The following PRXL2B variants were observed in gnomAD, a reference collection of about 807,000 sequenced individuals.
PRXL2B encodes the protein prostamide/prostaglandin F synthase.
PRXL2B carries 26 observed loss-of-function variants against 24.4 expected under a neutral mutation model. That is an observed-to-expected ratio of 1.07 (90% CI 0.78 to 1.48). The LOEUF (loss-of-function observed/expected upper bound fraction) is 1.48. Among genes scored for constraint, PRXL2B ranks in the 40% most tolerant of loss-of-function variants. PRXL2B has a pLI of 0.00. For synonymous variants in PRXL2B, 115 were observed against 118.9 expected (o/e 0.97, Z 0.21); for missense variants, 269 against 264.8 (o/e 1.02, Z -0.11).
chr1:2,587,419 C>T lies in PRXL2B; in HGVS notation c.268+124C>T. ...GAGCGGCCTTGATATGCCCACGGGT[C>T]AGCGTCCCTCATCTCTCCCTGCCTC... On this transcript the variant is annotated intron_variant, in intron 2 of 6. Coordinates refer to ENST00000419916, the MANE Select transcript of PRXL2B (RefSeq NM_152371.5). The surrounding 1 kb of genome is among the most constrained non-coding windows in gnomAD (Gnocchi z 6.1). The T allele has an allele frequency of 1.8e-6, 2 of 1,133,702 alleles. No homozygotes were observed. Among genetic ancestry groups the T allele is most frequent in the Non-Finnish European group, 2.5e-6 (2 of 795,128 alleles). 70.2% of individuals were successfully genotyped at this position (1,133,702 alleles called of 1,614,324 possible).
rs1196873040 is a variant in PRXL2B at position 2,587,633 on chromosome 1, G to T, written c.269-108G>T. ...TGCGGGGGTGGGCTGAGCACGGAGG[G>T]TGGGCAGAGGAACAGAGGGTCGGAA... On this transcript the variant is annotated intron_variant, in intron 2 of 6. Transcript: ENST00000419916. This position sits in a 1 kb window ranked among gnomAD's most constrained non-coding sequence, Gnocchi z 6.1. 1 of 1,320,540 alleles carries T rather than the reference G, an allele frequency of 7.6e-7. No individual in the cohort carries two copies. Among genetic ancestry groups the T allele is most frequent in the South Asian group, 1.3e-5 (1 of 79,312 alleles). The allele number at this position is 1,320,540 out of a possible 1,614,324, so 81.8% of individuals were successfully genotyped here. A position where few individuals can be genotyped will look rare whatever the true frequency, so the allele number is the denominator to read the frequency against.
In PRXL2B at chr1:2,588,452, A is replaced by G. The variant is rs1184412610; in HGVS notation, c.383A>G (p.Lys128Arg). ...AAGCCCGTGCGTGATGTGGCTGCCA[A>G]GGTGTGTGCGGGTCAAGGGTGTACA... The part of the protein sequence containing the change: ...LGKPVRDVAA[K>R]AKAVGIQGNL... The change falls in exon 4 of 7, where the codon AAG becomes AGG. Residue 128 changes from lysine (K) to arginine (R), a missense_variant and splice_region_variant. Transcript: ENST00000419916. The G allele has an allele frequency of 1.9e-6, 3 of 1,613,246 alleles. No homozygotes were observed. Among genetic ancestry groups the G allele is most frequent in the Non-Finnish European group, 1.7e-6 (2 of 1,179,990 alleles).
Position 2,590,982 on chromosome 1 carries a change from G to T in PRXL2B, c.*1555G>T. The T allele has an allele frequency of 1.3e-6, 2 of 1,570,664 alleles. No individual in the cohort carries two copies. Among genetic ancestry groups the T allele is most frequent in the Non-Finnish European group, 1.7e-6 (2 of 1,159,596 alleles). On this transcript the variant is annotated 3_prime_UTR_variant, in exon 7 of 7. Coordinates refer to ENST00000419916, the MANE Select transcript of PRXL2B (RefSeq NM_152371.5). The stretch of plus-strand genomic sequence containing the variant: ...GGGCGTGGGCCGCACAGCGCGGCAG[G>T]GCCTTGGCTACCACACGCGGCATCG...
Position 2,591,083 on chromosome 1 carries a change from C to T in PRXL2B, c.*1656C>T. 6.3e-7 allele frequency: 1 copy of T among 1,586,138 alleles called. No individual in the cohort carries two copies. Among genetic ancestry groups the T allele is most frequent in the South Asian group, 1.2e-5 (1 of 86,326 alleles). ...AGGCGGCCAGGTTCTGCAGCGACCC[C>T]AGTACCCTGTGGGTGGGTGGGTGTG... On this transcript the variant is annotated 3_prime_UTR_variant, in exon 7 of 7. Transcript: ENST00000419916.
In PRXL2B at chr1:2,587,996, T is replaced by A. The variant is rs1368685986; in HGVS notation, c.320+204T>A. On this transcript the variant is annotated intron_variant, in intron 3 of 6. Coordinates refer to ENST00000419916, the MANE Select transcript of PRXL2B (RefSeq NM_152371.5). The surrounding 1 kb of genome is among the most constrained non-coding windows in gnomAD (Gnocchi z 6.1). ...TGGGTGACTGTAATGAGCCACCTCG[T>A]CCGGGGCTTACTCTCGGTGTCCAGA... Among the ~76,000 whole-genome samples the A allele has an allele frequency of 1.3e-5, 2 of 151,974 alleles. No individual in the cohort carries two copies. Among genetic ancestry groups the A allele is most frequent in the Non-Finnish European group, 2.9e-5 (2 of 67,968 alleles).
chr1:2,586,662 G>T (rs1485913389), upstream of PRXL2B: 1 of 1,114,086 alleles, frequency 9.0e-7, no homozygotes, highest in Admixed American at 4.3e-5. Flanking sequence ...GTGCGGTCGG[G>T]GGCGTGGCCG....
rs1328790297 is a variant in PRXL2B, at chr1:2,586,942, C to T, written c.57C>T (p.Thr19=). The T allele has an allele frequency of 7.9e-7, 1 of 1,267,608 alleles. No individual in the cohort carries two copies. The highest frequency in any genetic ancestry group is 9.9e-7 in the Non-Finnish European group (1 of 1,006,796). 78.5% of individuals were successfully genotyped at this position (1,267,608 alleles called of 1,614,324 possible). A position where few individuals can be genotyped will look rare whatever the true frequency, so the allele number is the denominator to read the frequency against. Residue 19 remains threonine, a synonymous_variant, in exon 1 of 7, where the codon ACC becomes ACT. Transcript: ENST00000419916. ...CGTGCATCCTGAAGCATGCGGTGACCGGGGAGGTGAGGCCGGGTGGACGCA... is the reference window on the plus strand; with the variant it reads ...CGTGCATCCTGAAGCATGCGGTGACTGGGGAGGTGAGGCCGGGTGGACGCA... The part of the protein sequence containing the change: ...VGACILKHAV[T]GEAVELRSLW...
rs761713080 is a variant in PRXL2B at position 2,587,803 on chromosome 1, G to A, written c.320+11G>A. 1 of 1,596,916 alleles carries A rather than the reference G, an allele frequency of 6.3e-7. No individual in the cohort carries two copies. The highest frequency in any genetic ancestry group is 1.1e-5 in the South Asian group (1 of 88,406). On this transcript the variant is annotated intron_variant, in intron 3 of 6. Coordinates refer to ENST00000419916, the MANE Select transcript of PRXL2B (RefSeq NM_152371.5). This position sits in a 1 kb window ranked among gnomAD's most constrained non-coding sequence, Gnocchi z 6.1. ...GCTAGGCTTCAAGCGGTGAGTGGGGGCGGGAACCCTTGGGTAGCGTGGGGT... is the reference window on the plus strand; with the variant it reads ...GCTAGGCTTCAAGCGGTGAGTGGGGACGGGAACCCTTGGGTAGCGTGGGGT...
rs771179787 is a variant in PRXL2B at position 2,591,296 on chromosome 1, T to C, written c.*1869T>C. ...ATAACCTCCCCTCCAGCCAGAGATA[T>C]TCCAACTCTGCAATAAAACTCTCCT... On this transcript the variant is annotated 3_prime_UTR_variant, in exon 7 of 7. Coordinates refer to ENST00000419916, the MANE Select transcript of PRXL2B (RefSeq NM_152371.5). 2 of 597,476 alleles carry C rather than the reference T, an allele frequency of 3.3e-6. No homozygotes were observed. The highest frequency in any genetic ancestry group is 4.3e-4 in the Middle Eastern group (1 of 2,312). The allele number at this position is 597,476 out of a possible 1,614,324, so 37.0% of individuals were successfully genotyped here. A position where few individuals can be genotyped will look rare whatever the true frequency, so the allele number is the denominator to read the frequency against.
chr1:2,587,300 G>A lies in PRXL2B; in HGVS notation c.268+5G>A, dbSNP rs1473080455. On this transcript the variant is annotated splice_donor_5th_base_variant and intron_variant, in intron 2 of 6. Transcript: ENST00000419916. This position sits in a 1 kb window ranked among gnomAD's most constrained non-coding sequence, Gnocchi z 6.1. ...ACGGCGACTACTTCGCGGGAGGTGC[G>A]TCCTGTTCCCCGCCGCGGCGGCGCA... The A allele has an allele frequency of 6.4e-7, 1 of 1,559,066 alleles. No homozygotes were observed. The highest frequency in any genetic ancestry group is 1.2e-5 in the South Asian group (1 of 85,880).
At chr1:2,586,998 C>T (rs1644534684) in intron 1 of PRXL2B, 50 bp downstream of exon 1, 14 of 957,352 alleles carry the variant, frequency 1.5e-5, no homozygotes, top group Non-Finnish European at 1.7e-5. Flanking sequence ...GCTCCTTGCC[C>T]GGGCGTCCTG....
At chr1:2,589,312 C>A (rs1011533178) in intron 6 of PRXL2B, 98 bp from the exon 7 acceptor site, 2 of 1,538,094 alleles carry the variant, frequency 1.3e-6, no homozygotes, top group Non-Finnish European at 1.8e-6. Flanking sequence ...GGCGTGTCCT[C>A]TCAGCCTTGG....
chr1:2,589,768 G>GC lies in PRXL2B; in HGVS notation c.*345dup. ...GGGCACTGGGGATGGTAACCTCACTGCCCCGTCACTCCCTTCAAAGGCGAC... is the reference window on the plus strand; with the variant it reads ...GGGCACTGGGGATGGTAACCTCACTGCCCCCGTCACTCCCTTCAAAGGCGAC... On this transcript the variant is annotated 3_prime_UTR_variant, in exon 7 of 7. Coordinates refer to ENST00000419916, the MANE Select transcript of PRXL2B (RefSeq NM_152371.5). 2.3e-6 allele frequency: 1 copy of GC among 438,400 alleles called. No homozygotes were observed. 27.2% of individuals were successfully genotyped at this position (438,400 alleles called of 1,614,324 possible).
intron 6 of PRXL2B, among the ~76,000 whole-genome samples, 157 bp downstream of exon 6, chr1:2,589,197 G>C (rs556702529): frequency 1.8e-4 from 27 of 152,328 alleles, no homozygotes; most frequent in African/African-American, 6.3e-4. Flanking sequence ...CCCACTTGCA[G>C]AGTGGGGCAG....
chr1:2,588,240 A>T, intron 3 of PRXL2B, 150 bp from the exon 4 acceptor site: 1 of 933,686 alleles, frequency 1.1e-6, no homozygotes, highest in Non-Finnish European at 1.6e-6. Flanking sequence ...TGGGCTGGCT[A>T]CTGATCTGGT....
rs1644690602 is a variant in PRXL2B, at chr1:2,591,175, C to CTTTG, written c.*1748_*1749insTTTG. ...AAGTTCTCCGTGATTAAAAACCAGCCCAAAACATCAGCCTAATGGCTCATG... is the reference window on the plus strand; with the variant it reads ...AAGTTCTCCGTGATTAAAAACCAGCCTTTGCAAAACATCAGCCTAATGGCTCATG... On this transcript the variant is annotated 3_prime_UTR_variant, in exon 7 of 7. Coordinates refer to ENST00000419916, the MANE Select transcript of PRXL2B (RefSeq NM_152371.5). 1 of 909,980 alleles carries CTTTG rather than the reference C, an allele frequency of 1.1e-6. No homozygotes were observed. Among genetic ancestry groups the CTTTG allele is most frequent in the Non-Finnish European group, 1.6e-6 (1 of 614,682 alleles). The allele number at this position is 909,980 out of a possible 1,614,324, so 56.4% of individuals were successfully genotyped here.
chr1:2,586,715 C>T (rs1405741794), upstream of PRXL2B: 1 of 1,233,406 alleles, frequency 8.1e-7, no homozygotes, highest in African/African-American at 1.6e-5. Context: ...GGGGCGGAGA[C>T]GAGCCCGAAG....
At position 2,586,831 on chromosome 1, in the gene PRXL2B, G is replaced by C. The variant is rs1644527625; in HGVS notation, c.-55G>C. 2 of 1,275,802 alleles carry C rather than the reference G, an allele frequency of 1.6e-6. No individual in the cohort carries two copies. The highest frequency in any genetic ancestry group is 9.9e-7 in the Non-Finnish European group (1 of 1,012,106). 79.0% of individuals were successfully genotyped at this position (1,275,802 alleles called of 1,614,324 possible). A position where few individuals can be genotyped will look rare whatever the true frequency, so the allele number is the denominator to read the frequency against. Reference sequence around the variant, plus strand: ...AGCGGGGATCCAGGAGCGAGGAGCCGGGAGCGGGGAACAGGGAGTCGGGGA... The same window carrying C: ...AGCGGGGATCCAGGAGCGAGGAGCCCGGAGCGGGGAACAGGGAGTCGGGGA... On this transcript the variant is annotated 5_prime_UTR_variant, in exon 1 of 7. Coordinates refer to ENST00000419916, the MANE Select transcript of PRXL2B (RefSeq NM_152371.5).
rs1390543765 is a variant in PRXL2B, at chr1:2,590,865, T to TGGCA, written c.*1446_*1449dup. On this transcript the variant is annotated 3_prime_UTR_variant, in exon 7 of 7. Transcript: ENST00000419916. ...GCACCCTAGGCCAGGCGCAGAGGCC[T>TGGCA]GGCAGGCAGGCTTGGCATGGTTGGC... 1 of 718,356 alleles carries TGGCA rather than the reference T, an allele frequency of 1.4e-6. No individual in the cohort carries two copies. The highest frequency in any genetic ancestry group is 2.0e-6 in the Non-Finnish European group (1 of 490,308). The allele number at this position is 718,356 out of a possible 1,614,324, so 44.5% of individuals were successfully genotyped here.
Sources: gnomAD v4.1 joint callset for allele counts (sites outside exome capture counted in the v4.1 genomes callset) on GRCh38, gnomAD v4.1.1 for gene constraint, Gnocchi (gnomAD v3.1) non-coding constraint, MANE v1.5 for transcripts, NCBI Gene and HGNC (gene_info 2026-07-23, HGNC 2026-07-21) for gene names.